The following ANAPC2 variants were observed in gnomAD, a reference collection of about 807,000 sequenced individuals.
ANAPC2 encodes anaphase promoting complex subunit 2, also known as anaphase-promoting complex subunit 2.
Under a neutral mutation model 84.3 loss-of-function variants are expected in ANAPC2, and 29 were observed. The ratio of observed to expected loss-of-function variants is 0.34; its 90% CI spans 0.26 to 0.47. The LOEUF is 0.47. ANAPC2 is among the 20% of genes least tolerant of loss of function. The pLI is 1.00. For synonymous variants in ANAPC2, 571 were observed against 479.4 expected, an observed-to-expected ratio of 1.19 and a Z score of -2.50; for missense variants, 857 against 1,131.7, an observed-to-expected ratio of 0.76 and a Z score of 3.48.
rs1305493911 is a variant in ANAPC2, at chr9:137,175,028, G to A, written c.2383C>T (p.Leu795=). Residue 795 remains leucine, a synonymous_variant, in exon 13 of 13, where the codon CTG becomes TTG. Transcript: ENST00000323927. ...PALAEIDLQE[L]QGYLQKKVRD... ...ACCTTCTTCTGCAGGTAGCCCTGCAGCTCCTGCAGGTCAATCTCGGCCAGT... is the reference window on the plus strand; with the variant it reads ...ACCTTCTTCTGCAGGTAGCCCTGCAACTCCTGCAGGTCAATCTCGGCCAGT... 6.2e-7 allele frequency: 1 copy of A among 1,604,564 alleles called. No individual in the cohort carries two copies. Among genetic ancestry groups the A allele is most frequent in the East Asian group, 2.2e-5 (1 of 44,548 alleles).
chr9:137,175,195 T>TCGCCCC, intron 12 of ANAPC2, 41 bp from the exon 13 acceptor site: 1 of 1,603,466 alleles, frequency 6.2e-7, no homozygotes, highest in Non-Finnish European at 8.5e-7. Flanking sequence ...CCTGCAGGCC[T>TCGCCCC]CGCCCCCGCC....
chr9:137,176,186 T>C (rs4880219), intron 10 of ANAPC2: 94,474 of 186,174 alleles, frequency 0.51, 24,841 homozygotes, highest in African/African-American at 0.68. Flanking sequence ...AAAGGAAAGA[T>C]AGGAAGACAC....
At position 137,186,333 on chromosome 9, in the gene ANAPC2, C is replaced by G; in HGVS notation, c.764G>C (p.Arg255Pro). The change falls in exon 3 of 13, where the codon CGG (arginine) becomes CCG (proline). Residue 255 changes from arginine (R) to proline (P), a missense_variant. This residue lies in a region of ANAPC2 where 428 missense variants were observed against 513.8 expected (regional missense o/e 0.83). Coordinates refer to ENST00000323927, the MANE Select transcript of ANAPC2 (RefSeq NM_013366.4). ...GGTGGTCACAGCCTCGGCACTGACC[C>G]GCTCCAGCAGACTGAGCCTGTGTCT... ...QVLHRLSLLE[R>P]VSAEAVTTTL... 2 of 1,608,758 alleles carry G rather than the reference C, an allele frequency of 1.2e-6. No homozygotes were observed. Among genetic ancestry groups the G allele is most frequent in the Middle Eastern group, 1.9e-4 (1 of 5,230 alleles).
At position 137,188,470 on chromosome 9, in the gene ANAPC2, TAAC is replaced by T; in HGVS notation, c.60_62del (p.Leu21del). Reference sequence around the variant, plus strand: ...CGGTGCTCACGGTGTTCCAGGCCACTAACAACTCCTGTCCGGGCCGGGAGTCGC... The same window carrying T: ...CGGTGCTCACGGTGTTCCAGGCCACTAACTCCTGTCCGGGCCGGGAGTCGC... On this transcript the variant is annotated inframe_deletion, in exon 1 of 13. Coordinates refer to ENST00000323927, the MANE Select transcript of ANAPC2 (RefSeq NM_013366.4). The T allele has an allele frequency of 6.2e-7, 1 of 1,610,404 alleles. No individual in the cohort carries two copies. The highest frequency in any genetic ancestry group is 1.1e-5 in the South Asian group (1 of 91,006).
rs1431490994 is a variant in ANAPC2, at chr9:137,174,912, T to G, written c.*30A>C. The G allele has an allele frequency of 2.2e-4, 124 of 552,384 alleles. 1 individual carries two copies. The Admixed American group carries it at 2.8e-3, about 12-fold the overall frequency. The allele number at this position is 552,384 out of a possible 1,614,324, so 34.2% of individuals were successfully genotyped here. A position where few individuals can be genotyped will look rare whatever the true frequency, so the allele number is the denominator to read the frequency against. On this transcript the variant is annotated 3_prime_UTR_variant, in exon 13 of 13. Transcript: ENST00000323927. The surrounding 1 kb of genome is among the most constrained non-coding windows in gnomAD (Gnocchi z 6.1). Reference sequence around the variant, plus strand: ...ACGAGAGCACCTGCAGGGCAGCGCCTGGCGGGCGGGCGGGCGGGCGGGCGA... The same window carrying G: ...ACGAGAGCACCTGCAGGGCAGCGCCGGGCGGGCGGGCGGGCGGGCGGGCGA...
At chr9:137,178,404 G>A (rs370030816) in intron 10 of ANAPC2, among the ~76,000 whole-genome samples, 1 of 152,236 alleles carries the variant, frequency 6.6e-6, no homozygotes, top group Non-Finnish European at 1.5e-5. Flanking sequence ...AAGGGCACTA[G>A]AGTGTGGCTG....
rs758338788 is a variant in ANAPC2 at position 137,175,495 on chromosome 9, G to A, written c.2021-23C>T. ...TGGCTGCGTGCAGAGTCACCGGGAC[G>A]CTGGGCAGCCTGGGCACGGGCTGCA... On this transcript the variant is annotated intron_variant, in intron 11 of 12. Transcript: ENST00000323927. The A allele has an allele frequency of 1.6e-5, 25 of 1,533,322 alleles. 1 individual carries two copies. The highest frequency in any genetic ancestry group is 1.7e-4 in the Middle Eastern group (1 of 5,760). 95.0% of individuals were successfully genotyped at this position (1,533,322 alleles called of 1,614,324 possible).
At position 137,186,210 on chromosome 9, in the gene ANAPC2, G is replaced by A. The variant is rs1482239150; in HGVS notation, c.873+14C>T. The A allele has an allele frequency of 1.2e-6, 2 of 1,611,858 alleles. No homozygotes were observed. Among genetic ancestry groups the A allele is most frequent in the Non-Finnish European group, 1.7e-6 (2 of 1,179,394 alleles). ...TGTCTCCAGCGGGGCACAGCCCAAG[G>A]GAGGGGTCCTCACCTTGTGGAACTC... On this transcript the variant is annotated intron_variant, in intron 3 of 12. Coordinates refer to ENST00000323927, the MANE Select transcript of ANAPC2 (RefSeq NM_013366.4).
intron 10 of ANAPC2, among the ~76,000 whole-genome samples, chr9:137,178,546 A>AG (rs1351194779): frequency 2.6e-5 from 4 of 152,002 alleles, no homozygotes; most frequent in Admixed American, 6.6e-5. Context: ...CCAGAGGGGC[A>AG]GGGGGAAAGG....
intron 2 of ANAPC2, chr9:137,187,268 G>A (rs1315874038): frequency 6.2e-6 from 4 of 646,896 alleles, no homozygotes; most frequent in East Asian, 5.6e-5. Context: ...CCTTACCAGG[G>A]TCAAGGCATG....
chr9:137,180,393 G>C lies in ANAPC2; in HGVS notation c.1687-9C>G. 1.2e-6 allele frequency: 2 copies of C among 1,612,578 alleles called. No homozygotes were observed. Among genetic ancestry groups the C allele is most frequent in the Non-Finnish European group, 1.7e-6 (2 of 1,179,848 alleles). ...CGGGAGTCCGCCATGTCCTGAGGAG[G>C]AGCCGGTGTCACGGGGGACCTGCGG... On this transcript the variant is annotated splice_polypyrimidine_tract_variant and intron_variant, in intron 9 of 12. Coordinates refer to ENST00000323927, the MANE Select transcript of ANAPC2 (RefSeq NM_013366.4).
At position 137,180,778 on chromosome 9, in the gene ANAPC2, C is replaced by A; in HGVS notation, c.1610+10G>T. 1 of 1,609,102 alleles carries A rather than the reference C, an allele frequency of 6.2e-7. No homozygotes were observed. Reference sequence around the variant, plus strand: ...ACCCCTGGAGATGGCCAGCGCGTCACAGGCCTCACCGCTCGGGGCTGAAGC... The same window carrying A: ...ACCCCTGGAGATGGCCAGCGCGTCAAAGGCCTCACCGCTCGGGGCTGAAGC... On this transcript the variant is annotated intron_variant, in intron 8 of 12. Transcript: ENST00000323927.
At position 137,187,811 on chromosome 9, in the gene ANAPC2, C is replaced by A; in HGVS notation, c.410G>T (p.Arg137Leu). 3 of 1,613,652 alleles carry A rather than the reference C, an allele frequency of 1.9e-6. No homozygotes were observed. The highest frequency in any genetic ancestry group is 1.1e-5 in the South Asian group (1 of 91,082). ...RSLELLEKWT[R>L]LGLLMGTGAQ... ...ACCAGTGCCCATCAGCAAGCCCAGG[C>A]GAGTCCATTTCTCCAGCAGCTCTAG... The change falls in exon 2 of 13, where the codon CGC (arginine) becomes CTC (leucine). Residue 137 changes from arginine (R) to leucine (L), a missense_variant. Transcript: ENST00000323927.
chr9:137,185,772 AACAGCAC>A (rs1385458539), intron 3 of ANAPC2, among the ~76,000 whole-genome samples: 1 of 152,080 alleles, frequency 6.6e-6, no homozygotes, highest in East Asian at 1.9e-4. Flanking sequence ...ACCACACCCC[AACAGCAC>A]AGGTGCCTGG....
intron 7 of ANAPC2, among the ~76,000 whole-genome samples, chr9:137,181,196 C>T (rs1205121688): frequency 1.3e-5 from 2 of 152,244 alleles, no homozygotes; most frequent in Non-Finnish European, 2.9e-5. Flanking sequence ...TGGGGTTTTC[C>T]TCTGAGAGAG....
chr9:137,183,766 G>C lies in ANAPC2; in HGVS notation c.1074C>G (p.Ile358Met). Reference protein sequence around the residue: ...VRDFPDSRPAIEDLKYCLERT... With the variant: ...VRDFPDSRPAMEDLKYCLERT... The stretch of plus-strand genomic sequence containing the variant: ...TCTCCAGGCAGTACTTGAGGTCCTC[G>C]ATGGCTGGCCGGGAGTCTGGGAAGT... Residue 358 changes from isoleucine to methionine, a missense_variant, in exon 5 of 13, where the codon ATC (isoleucine) becomes ATG (methionine). Physicochemically the swap from Ile to Met is conservative, Grantham distance 10 (BLOSUM62 1). Around this residue, in one of 3 missense-constraint regions of ANAPC2, gnomAD observed 428 missense variants for 513.8 expected, o/e 0.83. Transcript: ENST00000323927. 4 of 1,613,310 alleles carry C rather than the reference G, an allele frequency of 2.5e-6. No homozygotes were observed. Among genetic ancestry groups the C allele is most frequent in the Non-Finnish European group, 8.5e-7 (1 of 1,179,902 alleles).
chr9:137,175,228 C>T lies in ANAPC2; in HGVS notation c.2256+9G>A. 6.2e-7 allele frequency: 1 copy of T among 1,610,854 alleles called. No individual in the cohort carries two copies. The highest frequency in any genetic ancestry group is 8.5e-7 in the Non-Finnish European group (1 of 1,179,170). The stretch of plus-strand genomic sequence containing the variant: ...GCCCCCTGGCCCCCCGTGGGGCCTG[C>T]ACGCGCACCAGCAGCTCCTCCTCCT... On this transcript the variant is annotated intron_variant, in intron 12 of 12. Transcript: ENST00000323927.
intron 7 of ANAPC2, 111 bp downstream of exon 7, chr9:137,181,570 C>T: frequency 8.1e-7 from 1 of 1,228,728 alleles, no homozygotes; most frequent in Non-Finnish European, 1.1e-6. Flanking sequence ...CTCTGAGACA[C>T]TAGCGACACC....
At chr9:137,188,152 G>C in intron 1 of ANAPC2, 49 bp from the exon 2 acceptor site, 1 of 1,572,444 alleles carries the variant, frequency 6.4e-7, no homozygotes, top group Non-Finnish European at 8.6e-7. Flanking sequence ...ATAGAGGTGG[G>C]GAGAGGCGGG....
Sources: gnomAD v4.1 joint callset for allele counts (sites outside exome capture counted in the v4.1 genomes callset) on GRCh38, gnomAD v4.1.1 for gene constraint, gnomAD v4.1.1 regional missense constraint, Gnocchi (gnomAD v3.1) non-coding constraint, MANE v1.5 for transcripts, NCBI Gene and HGNC (gene_info 2026-07-23, HGNC 2026-07-21) for gene names.